TIAM1: variants seen among roughly 807,000 people sequenced by gnomAD.
TIAM1 encodes the protein TIAM Rac1 associated GEF 1.
In TIAM1, 65 loss-of-function variants were observed where a neutral mutation model predicts 163.5. That is an observed-to-expected ratio of 0.40 (90% CI 0.33 to 0.49). The LOEUF (loss-of-function observed/expected upper bound fraction) is 0.49, where lower values mean the gene tolerates loss of function less well. TIAM1 is among the 20% of genes least tolerant of loss of function. The pLI is 0.77. For synonymous variants in TIAM1, 833 were observed against 810.1 expected (o/e 1.03, Z -0.48); for missense variants, 1,789 against 2,044.7 (o/e 0.87, Z 2.41).
At chr21:31,455,713 T>G (rs905034452) in intron 2 of TIAM1, among the ~76,000 whole-genome samples, 1 of 152,256 alleles carries the variant, frequency 6.6e-6, no homozygotes, top group Non-Finnish European at 1.5e-5. Flanking sequence ...AGCGATTCTG[T>G]GACGCTGCTG....
intron 4 of TIAM1, among the ~76,000 whole-genome samples, chr21:31,254,868 A>T (rs887949119): frequency 1.3e-5 from 2 of 152,202 alleles, no homozygotes; most frequent in Admixed American, 1.3e-4. Context: ...AGAGAGAATA[A>T]GGAAAAGCGA....
At chr21:31,311,706 C>A (rs774007487) in intron 2 of TIAM1, among the ~76,000 whole-genome samples, 1 of 152,118 alleles carries the variant, frequency 6.6e-6, no homozygotes, top group African/African-American at 2.4e-5. Context: ...TTAACCTCTG[C>A]GGCCAGAAAG....
intron 2 of TIAM1, among the ~76,000 whole-genome samples, chr21:31,397,081 A>G (rs2077086145): frequency 6.6e-6 from 1 of 152,210 alleles, no homozygotes; most frequent in Non-Finnish European, 1.5e-5. Flanking sequence ...AGCAAGACCT[A>G]TATTCAGACC....
At chr21:31,244,232 C>T (rs2071375214) in intron 6 of TIAM1, among the ~76,000 whole-genome samples, 1 of 152,160 alleles carries the variant, frequency 6.6e-6, no homozygotes, top group South Asian at 2.1e-4. Context: ...GCTTCTGAAG[C>T]CAAAGCCAGA....
At chr21:31,445,891 TG>T (rs144351985) in intron 2 of TIAM1, among the ~76,000 whole-genome samples, 3,361 of 152,258 alleles carry the variant, frequency 0.022, 131 homozygotes, top group African/African-American at 0.076. Flanking sequence ...GTTGGTTTCA[TG>T]GTTTTACTTT....
At chr21:31,219,144 A>G (rs931477879) in intron 8 of TIAM1, among the ~76,000 whole-genome samples, 24 of 148,326 alleles carry the variant, frequency 1.6e-4, no homozygotes, top group African/African-American at 4.5e-4. Flanking sequence ...TAAATCTGTC[A>G]CCAGGATAAT....
intron 2 of TIAM1, among the ~76,000 whole-genome samples, chr21:31,392,055 A>C (rs571879584): frequency 5.1e-4 from 77 of 152,340 alleles, no homozygotes; most frequent in African/African-American, 1.8e-3. Context: ...CTGTAGGCTA[A>C]TGTAAGTGTT....
In TIAM1 at chr21:31,118,990, A is replaced by C. The variant is rs1323990756; in HGVS notation, c.*1378T>G. 4.2e-5 allele frequency: 7 copies of C among 167,038 alleles called. No individual in the cohort carries two copies. Among genetic ancestry groups the C allele is most frequent in the Non-Finnish European group, 7.8e-5 (6 of 76,878 alleles). The allele number at this position is 167,038 out of a possible 1,614,324, so 10.3% of individuals were successfully genotyped here. A position where few individuals can be genotyped will look rare whatever the true frequency, so the allele number is the denominator to read the frequency against. On this transcript the variant is annotated 3_prime_UTR_variant, in exon 28 of 28. Transcript: ENST00000541036. ...ATTCAGGTCTTTAAAGTACCTACTG[A>C]TGTGTCAAACACCAAATAGATATTT...
intron 2 of TIAM1, among the ~76,000 whole-genome samples, chr21:31,432,878 A>C (rs1022697843): frequency 3.3e-5 from 5 of 152,158 alleles, no homozygotes; most frequent in Non-Finnish European, 5.9e-5. Context: ...GTCAAAGGGG[A>C]GTGGCAATGA....
intron 2 of TIAM1, among the ~76,000 whole-genome samples, chr21:31,325,116 C>CAA (rs34060373): frequency 1.4e-5 from 2 of 145,370 alleles, no homozygotes; most frequent in African/African-American, 5.1e-5. Flanking sequence ...CCCATCTCTA[C>CAA]AAAAAAAAAA....
At chr21:31,307,941 C>T (rs925906041) in intron 2 of TIAM1, among the ~76,000 whole-genome samples, 4 of 152,114 alleles carry the variant, frequency 2.6e-5, no homozygotes, top group Non-Finnish European at 5.9e-5. Context: ...AGAGTCAATA[C>T]TATACAATGG....
intron 2 of TIAM1, among the ~76,000 whole-genome samples, chr21:31,423,402 A>G (rs574570066): frequency 1.3e-5 from 2 of 152,160 alleles, no homozygotes; most frequent in Non-Finnish European, 2.9e-5. Flanking sequence ...CCAGCCTGGC[A>G]CTATCTTGAA....
intron 2 of TIAM1, among the ~76,000 whole-genome samples, chr21:31,324,809 T>A (rs1023468014): frequency 2.6e-5 from 4 of 152,190 alleles, no homozygotes; most frequent in Non-Finnish European, 5.9e-5. Context: ...AACAACAAAA[T>A]CATTTCTTTA....
chr21:31,180,280 G>A (rs1473435706), intron 15 of TIAM1, among the ~76,000 whole-genome samples: 1 of 151,758 alleles, frequency 6.6e-6, no homozygotes, highest in African/African-American at 2.4e-5. Flanking sequence ...CAAATTGTGA[G>A]CAATCTCAGT....
chr21:31,402,992 C>T (rs577451237), intron 2 of TIAM1, among the ~76,000 whole-genome samples: 1 of 152,204 alleles, frequency 6.6e-6, no homozygotes, highest in African/African-American at 2.4e-5. Flanking sequence ...TCCTGTACGT[C>T]TCCAAGAAGA....
intron 1 of TIAM1, among the ~76,000 whole-genome samples, chr21:31,546,198 A>C (rs1446905075): frequency 2.0e-5 from 3 of 151,726 alleles, no homozygotes; most frequent in Non-Finnish European, 4.4e-5. Flanking sequence ...AAAAAAAAAA[A>C]AAAACTGTGA....
chr21:31,418,677 G>T (rs2043459887), intron 2 of TIAM1, among the ~76,000 whole-genome samples: 2 of 152,110 alleles, frequency 1.3e-5, no homozygotes, highest in Admixed American at 6.6e-5. Context: ...AGTTAGAGGG[G>T]TCACCTCAAA....
At chr21:31,351,590 C>G (rs968286407) in intron 2 of TIAM1, among the ~76,000 whole-genome samples, 1 of 152,118 alleles carries the variant, frequency 6.6e-6, no homozygotes, top group Non-Finnish European at 1.5e-5. Flanking sequence ...CAGTCAAACC[C>G]GGATGGCTGG....
intron 1 of TIAM1, among the ~76,000 whole-genome samples, chr21:31,539,508 G>A (rs946394757): frequency 3.3e-5 from 5 of 151,860 alleles, no homozygotes; most frequent in South Asian, 2.1e-4. Flanking sequence ...CTCGTGATCC[G>A]CCCGTCTCAG....
Sources: allele counts gnomAD v4.1 joint callset (sites outside exome capture counted in the v4.1 genomes callset), GRCh38; gene constraint gnomAD v4.1.1; transcripts MANE v1.5; gene names NCBI Gene and HGNC (gene_info 2026-07-23, HGNC 2026-07-21).